WASHC3: variants seen among roughly 807,000 people sequenced by gnomAD.
WASHC3 encodes the protein WASH complex subunit 3.
Under a neutral mutation model 26.1 loss-of-function variants are expected in WASHC3, and 24 were observed. That is an observed-to-expected ratio of 0.92 (90% CI 0.66 to 1.29). The LOEUF is 1.29. Ranked by LOEUF, WASHC3 falls within the 50% of genes most tolerant of loss-of-function variation. The probability of loss-of-function intolerance (pLI) is 0.00; values close to 1 mark genes in which losing one functional copy is unlikely to be tolerated. For missense variants in WASHC3, 214 were observed against 229.6 expected, an observed-to-expected ratio of 0.93 and a Z score of 0.44; for synonymous variants, 77 against 75.7, an observed-to-expected ratio of 1.02 and a Z score of -0.09.
At chr12:102,018,907 C>T (rs1056426204) in intron 6 of WASHC3, among the ~76,000 whole-genome samples, 1 of 152,140 alleles carries the variant, frequency 6.6e-6, no homozygotes, top group Non-Finnish European at 1.5e-5. Context: ...AGCAATTCTC[C>T]CTGCCTTAGC....
chr12:102,058,365 T>C (rs530394238), intron 2 of WASHC3, among the ~76,000 whole-genome samples: 1 of 152,306 alleles, frequency 6.6e-6, no homozygotes, highest in African/African-American at 2.4e-5. Context: ...AATGACTTTT[T>C]TTGGATATAA....
intron 6 of WASHC3, among the ~76,000 whole-genome samples, chr12:102,025,264 A>G (rs1211727547): frequency 6.6e-6 from 1 of 152,174 alleles, no homozygotes; most frequent in Non-Finnish European, 1.5e-5. Flanking sequence ...CTTGCAAAAC[A>G]GAATTCTTCT....
At chr12:102,016,370 A>G (rs1876702204) in intron 6 of WASHC3, among the ~76,000 whole-genome samples, 1 of 150,036 alleles carries the variant, frequency 6.7e-6, no homozygotes, top group South Asian at 2.1e-4. Context: ...ATGCCCAGCT[A>G]ATTTTTGTAT....
chr12:102,026,718 A>C (rs1365796028), intron 5 of WASHC3, among the ~76,000 whole-genome samples: 1 of 152,228 alleles, frequency 6.6e-6, no homozygotes, highest in Non-Finnish European at 1.5e-5. Flanking sequence ...AAGGAAAGAG[A>C]CTTGATGTAT....
intron 5 of WASHC3, among the ~76,000 whole-genome samples, chr12:102,033,926 G>A (rs978195463): frequency 2.0e-5 from 3 of 151,892 alleles, no homozygotes; most frequent in African/African-American, 7.3e-5. Flanking sequence ...TGTTGTTATC[G>A]GTCTTTCTCT....
At chr12:102,026,916 T>G (rs1043445958) in intron 5 of WASHC3, among the ~76,000 whole-genome samples, 1 of 152,160 alleles carries the variant, frequency 6.6e-6, no homozygotes, top group African/African-American at 2.4e-5. Flanking sequence ...ACCCTCCCTC[T>G]CACCCCGTGT....
Position 102,026,012 on chromosome 12 carries a change from G to T in WASHC3, c.462C>A (p.Asn154Lys). 6.5e-7 allele frequency: 1 copy of T among 1,545,584 alleles called. No individual in the cohort carries two copies. Among genetic ancestry groups the T allele is most frequent in the Non-Finnish European group, 8.8e-7 (1 of 1,135,798 alleles). The change falls in exon 6 of 7, where the codon AAC becomes AAA. Residue 154 changes from asparagine to lysine, a missense_variant. Coordinates refer to ENST00000240079, the MANE Select transcript of WASHC3 (RefSeq NM_016053.4). ...QVGVPVMAIR[N>K]KMISEGLDPD... Reference sequence around the variant, plus strand: ...GGTCTAGTCCTTCTGATATCATTTTGTTTCTTATTGCCATCACTGGTACAC... The same window carrying T: ...GGTCTAGTCCTTCTGATATCATTTTTTTTCTTATTGCCATCACTGGTACAC...
intron 6 of WASHC3, among the ~76,000 whole-genome samples, chr12:102,021,229 A>G (rs1876942707): frequency 6.6e-6 from 1 of 152,236 alleles, no homozygotes; most frequent in South Asian, 2.1e-4. Flanking sequence ...AGCTAGTGAG[A>G]TCAATTTGGT....
chr12:102,040,592 G>A (rs1877898851), intron 4 of WASHC3, among the ~76,000 whole-genome samples: 1 of 151,942 alleles, frequency 6.6e-6, no homozygotes, highest in African/African-American at 2.4e-5. Flanking sequence ...TCTACAGAGT[G>A]GTTAAAAGTC....
Position 102,055,538 on chromosome 12 carries a change from A to G in WASHC3, c.150+5710T>C, listed in dbSNP as rs921083007. 2.0e-5 allele frequency among the ~76,000 whole-genome samples: 3 copies of G among 152,092 alleles called. No homozygotes were observed. The East Asian group carries it at 5.8e-4, about 29-fold the overall frequency. On this transcript the variant is annotated intron_variant, in intron 2 of 6. Transcript: ENST00000240079. ...TTTTTGTATTTTTAGTAGAGACAGC[A>G]TTCCACCATGTTGGCCAGGCTGGTC...
chr12:102,035,372 C>G (rs1877611347), intron 5 of WASHC3, among the ~76,000 whole-genome samples: 1 of 152,112 alleles, frequency 6.6e-6, no homozygotes, highest in Admixed American at 6.5e-5. Context: ...AAAGAAAATT[C>G]CTGGGCATTG....
chr12:102,059,348 T>C (rs1180200237), intron 2 of WASHC3, among the ~76,000 whole-genome samples: 1 of 152,154 alleles, frequency 6.6e-6, no homozygotes, highest in African/African-American at 2.4e-5. Context: ...GAAATAAGAT[T>C]TTTGAAAAAG....
At position 102,058,813 on chromosome 12, in the gene WASHC3, T is replaced by C. The variant is rs183995506; in HGVS notation, c.150+2435A>G. Among the ~76,000 whole-genome samples, 12 of 152,142 alleles carry C rather than the reference T, an allele frequency of 7.9e-5. 1 individual carries two copies. The East Asian group carries it at 1.5e-3, about 20-fold the overall frequency. ...ATACGGAATCAAAAGTGTCCATCAA[T>C]GGATGAATGGATTAAAAAAAGTGGT... On this transcript the variant is annotated intron_variant, in intron 2 of 6. Coordinates refer to ENST00000240079, the MANE Select transcript of WASHC3 (RefSeq NM_016053.4).
At chr12:102,050,672 TAAAC>T (rs765817923) in intron 2 of WASHC3, 144 of 428,446 alleles carry the variant, frequency 3.4e-4, no homozygotes, top group Admixed American at 8.6e-4. Context: ...AAAAAATTAT[TAAAC>T]AAACAAACAA....
At position 102,015,161 on chromosome 12, in the gene WASHC3, C is replaced by T. The variant is rs545399544; in HGVS notation, c.501-1969G>A. 3.9e-5 allele frequency among the ~76,000 whole-genome samples: 6 copies of T among 152,194 alleles called. No homozygotes were observed. In the South Asian group the frequency reaches 1.2e-3, roughly 32 times the overall value. ...TTTGCAAAAAAATAGAGAAATTAGC[C>T]AGTAGTGGCCTACTGTGCCAGCTAC... On this transcript the variant is annotated intron_variant, in intron 6 of 6. Transcript: ENST00000240079.
At chr12:102,042,104 T>G (rs889733285) in intron 4 of WASHC3, among the ~76,000 whole-genome samples, 6 of 152,142 alleles carry the variant, frequency 3.9e-5, no homozygotes, top group African/African-American at 1.4e-4. Context: ...TACCACATAA[T>G]AACTACTAGG....
chr12:102,057,313 C>T (rs769801094), intron 2 of WASHC3, among the ~76,000 whole-genome samples: 1 of 152,078 alleles, frequency 6.6e-6, no homozygotes, highest in Admixed American at 6.5e-5. Flanking sequence ...TAGCATCATA[C>T]GCAATGGTGA....
At chr12:102,058,963 T>C (rs943434380) in intron 2 of WASHC3, among the ~76,000 whole-genome samples, 28 of 152,290 alleles carry the variant, frequency 1.8e-4, no homozygotes, top group Non-Finnish European at 4.4e-5. Flanking sequence ...AGACAGATAC[T>C]GAATGATCTC....
intron 2 of WASHC3, among the ~76,000 whole-genome samples, chr12:102,052,916 C>A (rs748870029): frequency 4.6e-5 from 7 of 152,000 alleles, no homozygotes; most frequent in Non-Finnish European, 1.0e-4. Flanking sequence ...AGTCTGGCCC[C>A]TGTGACCCCA....
Sources: gnomAD v4.1 joint callset for allele counts (sites outside exome capture counted in the v4.1 genomes callset) on GRCh38, gnomAD v4.1.1 for gene constraint, MANE v1.5 for transcripts, NCBI Gene and HGNC (gene_info 2026-07-23, HGNC 2026-07-21) for gene names.